Variants in TAFA5 observed in about 807,000 individuals in gnomAD.
TAFA5 encodes the protein chemokine-like protein TAFA-5.
A neutral mutation model predicts 15.3 loss-of-function variants in TAFA5; 6 were observed. The observed-to-expected ratio is 0.39, with a 90% CI of 0.21 to 0.77. TAFA5 has a LOEUF of 0.77. Ranked by LOEUF, TAFA5 falls within the 30% of genes least tolerant of loss-of-function variation. The pLI is 0.41. For missense variants in TAFA5, 161 were observed against 193.1 expected, an observed-to-expected ratio of 0.83 and a Z score of 0.98; for synonymous variants, 103 against 80.7, an observed-to-expected ratio of 1.28 and a Z score of -1.48.
At chr22:48,747,895 T>TAAA (rs130233) in intron 3 of TAFA5, among the ~76,000 whole-genome samples, 3 of 121,598 alleles carry the variant, frequency 2.5e-5, no homozygotes, top group South Asian at 2.8e-4. Context: ...AGACTCTGTC[T>TAAA]AAAAAAAAAA....
intron 2 of TAFA5, among the ~76,000 whole-genome samples, chr22:48,691,611 C>A (rs4925439): frequency 0.15 from 22,880 of 152,274 alleles, 2,296 homozygotes; most frequent in Non-Finnish European, 0.22. Flanking sequence ...CAGGAGCAGG[C>A]TCTTCTTCTG....
intron 1 of TAFA5, among the ~76,000 whole-genome samples, chr22:48,593,726 G>C (rs1175264832): frequency 6.6e-6 from 1 of 152,188 alleles, no homozygotes. Flanking sequence ...CCCAAGGAAG[G>C]CCAGCTGGGG....
At chr22:48,610,943 T>C (rs562356541) in intron 1 of TAFA5, among the ~76,000 whole-genome samples, 1 of 152,070 alleles carries the variant, frequency 6.6e-6, no homozygotes, top group African/African-American at 2.4e-5. Context: ...GTAATTTTTT[T>C]TTTTTTTTTG....
intron 1 of TAFA5, among the ~76,000 whole-genome samples, chr22:48,580,686 G>T (rs1488554425): frequency 1.3e-5 from 2 of 152,176 alleles, no homozygotes; most frequent in Non-Finnish European, 2.9e-5. Context: ...AGGGAGTTCG[G>T]CAGCTCTGTG....
intron 1 of TAFA5, among the ~76,000 whole-genome samples, chr22:48,596,400 C>G (rs78953393): frequency 1.3e-5 from 2 of 152,200 alleles, no homozygotes; most frequent in Admixed American, 6.5e-5. Flanking sequence ...CACTGATTAA[C>G]GCTCCTCAGC....
chr22:48,661,134 ATCG>A (rs1927424561), intron 2 of TAFA5, among the ~76,000 whole-genome samples: 1 of 152,086 alleles, frequency 6.6e-6, no homozygotes, highest in African/African-American at 2.4e-5. Flanking sequence ...GTGTGTCCAA[ATCG>A]TCTGGACCCC....
At chr22:48,492,087 A>G (rs1928172598) in intron 1 of TAFA5, among the ~76,000 whole-genome samples, 1 of 152,130 alleles carries the variant, frequency 6.6e-6, no homozygotes, top group South Asian at 2.1e-4. Flanking sequence ...AGACATAATA[A>G]TAATTTATAG....
At position 48,642,064 on chromosome 22, in the gene TAFA5, G is replaced by T. The variant is rs112371495; in HGVS notation, c.113-4533G>T. Among the ~76,000 whole-genome samples, 583 of 152,174 alleles carry T rather than the reference G, an allele frequency of 3.8e-3. 4 individuals carry two copies. Among genetic ancestry groups the T allele is most frequent in the African/African-American group, 0.014 (562 of 41,518 alleles). ...AGCATGCTGAGGGGGGCAGCCTGGT[G>T]GAGGGGCCTGCACTTTTCTGAGGGG... On this transcript the variant is annotated intron_variant, in intron 1 of 3. Coordinates refer to ENST00000402357, the MANE Select transcript of TAFA5 (RefSeq NM_001082967.3).
intron 1 of TAFA5, among the ~76,000 whole-genome samples, chr22:48,511,528 C>A (rs780739096): frequency 6.6e-6 from 1 of 152,206 alleles, no homozygotes; most frequent in Non-Finnish European, 1.5e-5. Context: ...CTGCAGAAAG[C>A]CATTTCTCAG....
intron 3 of TAFA5, among the ~76,000 whole-genome samples, chr22:48,736,643 T>A (rs77428756): frequency 0.06 from 9,125 of 152,292 alleles, 773 homozygotes; most frequent in African/African-American, 0.19. Context: ...ATGACTGGAA[T>A]ATTATTCAGC....
chr22:48,544,945 A>T (rs551324694), intron 1 of TAFA5: 2 of 458,962 alleles, frequency 4.4e-6, no homozygotes, highest in South Asian at 3.1e-5. Context: ...TGAAGGAAGG[A>T]TGCTGAGCGC....
intron 1 of TAFA5, among the ~76,000 whole-genome samples, chr22:48,604,215 C>T (rs1237399202): frequency 6.6e-6 from 1 of 152,170 alleles, no homozygotes; most frequent in Non-Finnish European, 1.5e-5. Context: ...GTACAGGCAA[C>T]CTTGGACCGA....
intron 1 of TAFA5, among the ~76,000 whole-genome samples, chr22:48,603,158 C>A (rs1377315572): frequency 6.6e-6 from 1 of 152,222 alleles, no homozygotes; most frequent in Non-Finnish European, 1.5e-5. Context: ...TAGACAGGGT[C>A]GCCCCGGAAA....
chr22:48,579,695 G>GACTCCAGC (rs1170371065), intron 1 of TAFA5, among the ~76,000 whole-genome samples: 1 of 152,186 alleles, frequency 6.6e-6, no homozygotes, highest in South Asian at 2.1e-4. Context: ...GAGTCACTTG[G>GACTCCAGC]ACTCCAGCAC....
At chr22:48,677,599 A>G (rs1928017144) in intron 2 of TAFA5, among the ~76,000 whole-genome samples, 1 of 152,128 alleles carries the variant, frequency 6.6e-6, no homozygotes, top group African/African-American at 2.4e-5. Context: ...TCCTGGGCCC[A>G]TCTGCCTGAG....
At chr22:48,549,664 CT>C (rs1432420893) in intron 1 of TAFA5, among the ~76,000 whole-genome samples, 1 of 152,214 alleles carries the variant, frequency 6.6e-6, no homozygotes, top group East Asian at 1.9e-4. Context: ...ATGACTGCCC[CT>C]GATGGTGTGG....
At chr22:48,634,731 A>C (rs1926384714) in intron 1 of TAFA5, among the ~76,000 whole-genome samples, 1 of 148,520 alleles carries the variant, frequency 6.7e-6, no homozygotes, top group African/African-American at 2.5e-5. Context: ...TCATCTACTC[A>C]TTCACTCTCT....
intron 1 of TAFA5, among the ~76,000 whole-genome samples, chr22:48,502,960 A>G (rs1920961505): frequency 6.6e-6 from 1 of 152,202 alleles, no homozygotes; most frequent in Non-Finnish European, 1.5e-5. Context: ...ACTCATGTTC[A>G]TTTATTGGTG....
chr22:48,703,777 A>G (rs1028928670), intron 2 of TAFA5, among the ~76,000 whole-genome samples: 3 of 152,204 alleles, frequency 2.0e-5, no homozygotes, highest in Non-Finnish European at 2.9e-5. Context: ...CCTGCCCTGC[A>G]GGCAGGTCAG....
Sources: allele counts gnomAD v4.1 joint callset (sites outside exome capture counted in the v4.1 genomes callset), GRCh38; gene constraint gnomAD v4.1.1; transcripts MANE v1.5; gene names NCBI Gene and HGNC (gene_info 2026-07-23, HGNC 2026-07-21).